The following RERE variants were observed in gnomAD, a reference collection of about 807,000 sequenced individuals.
RERE encodes the protein arginine-glutamic acid dipeptide repeats protein.
A neutral mutation model predicts 146.1 loss-of-function variants in RERE; 40 were observed. That is an observed-to-expected ratio of 0.27 (90% CI 0.21 to 0.36). The LOEUF (loss-of-function observed/expected upper bound fraction) is 0.36. Among genes scored for constraint, RERE ranks in the 10% least tolerant of loss-of-function variants. The pLI is 1.00. For missense variants in RERE, 1,933 were observed against 2,138.7 expected (o/e 0.90, Z 1.90); for synonymous variants, 1,003 against 866.0 (o/e 1.16, Z -2.78).
intron 12 of RERE, among the ~76,000 whole-genome samples, chr1:8,421,578 A>G (rs1171191350): frequency 6.6e-6 from 1 of 152,174 alleles, no homozygotes; most frequent in African/African-American, 2.4e-5. Flanking sequence ...ATACAAGACT[A>G]TACTTGAAAT....
At chr1:8,454,062 A>G (rs1644421564) in intron 11 of RERE, among the ~76,000 whole-genome samples, 1 of 152,224 alleles carries the variant, frequency 6.6e-6, no homozygotes, top group Non-Finnish European at 1.5e-5. Flanking sequence ...AAGGGACAGA[A>G]GAGCACAGAG....
At chr1:8,589,682 C>T (rs956581405) in intron 4 of RERE, among the ~76,000 whole-genome samples, 3 of 152,198 alleles carry the variant, frequency 2.0e-5, no homozygotes, top group African/African-American at 7.2e-5. Context: ...CCTAGTTCCT[C>T]CCACTTTCTT....
intron 12 of RERE, among the ~76,000 whole-genome samples, chr1:8,380,455 T>A (rs1357263821): frequency 6.6e-6 from 1 of 152,090 alleles, no homozygotes; most frequent in Admixed American, 6.5e-5. Context: ...TTTAAGTGAT[T>A]CTTCTCCCTC....
intron 1 of RERE, among the ~76,000 whole-genome samples, chr1:8,669,616 A>G (rs971141265): frequency 6.6e-6 from 1 of 152,238 alleles, no homozygotes; most frequent in Non-Finnish European, 1.5e-5. Context: ...TTAAAGCTGT[A>G]AAAACACAGT....
At chr1:8,580,244 T>A (rs900703010) in intron 4 of RERE, among the ~76,000 whole-genome samples, 4 of 152,174 alleles carry the variant, frequency 2.6e-5, no homozygotes, top group Non-Finnish European at 5.9e-5. Context: ...TAAGCTATCA[T>A]TAAACAACTT....
At chr1:8,685,692 T>C (rs1639071590) in intron 1 of RERE, among the ~76,000 whole-genome samples, 1 of 152,192 alleles carries the variant, frequency 6.6e-6, no homozygotes, top group South Asian at 2.1e-4. Flanking sequence ...CAAATAAGAC[T>C]AATTTAAATA....
intron 1 of RERE, among the ~76,000 whole-genome samples, chr1:8,659,114 T>C (rs993750092): frequency 1.3e-5 from 2 of 152,170 alleles, no homozygotes; most frequent in Admixed American, 1.3e-4. Context: ...CCTACAAAAG[T>C]TTTGCCCAGA....
intron 7 of RERE, among the ~76,000 whole-genome samples, chr1:8,531,398 G>A (rs1422703658): frequency 6.6e-6 from 1 of 151,030 alleles, no homozygotes; most frequent in Non-Finnish European, 1.5e-5. Context: ...AGGCCAGACT[G>A]CACCACTGCA....
intron 1 of RERE, among the ~76,000 whole-genome samples, chr1:8,764,760 C>T (rs1255557584): frequency 6.6e-6 from 1 of 152,180 alleles, no homozygotes; most frequent in East Asian, 1.9e-4. Context: ...AAGACAGAGG[C>T]TCAACCTCAT....
intron 4 of RERE, among the ~76,000 whole-genome samples, chr1:8,574,141 A>G (rs1278003198): frequency 6.6e-6 from 1 of 152,000 alleles, no homozygotes; most frequent in Non-Finnish European, 1.5e-5. Context: ...TCACTGCAAA[A>G]TATTTTCTAA....
intron 4 of RERE, among the ~76,000 whole-genome samples, chr1:8,590,349 T>A (rs1646477490): frequency 6.6e-6 from 1 of 151,866 alleles, no homozygotes; most frequent in Non-Finnish European, 1.5e-5. Context: ...CACAAAGCCA[T>A]CAAATCAAAA....
At position 8,469,024 on chromosome 1, in the gene RERE, G is replaced by C. The variant is rs539794964; in HGVS notation, c.1105-3001C>G. Among the ~76,000 whole-genome samples, 4 of 152,244 alleles carry C rather than the reference G, an allele frequency of 2.6e-5. No individual in the cohort carries two copies. The East Asian group carries it at 7.7e-4, about 29-fold the overall frequency. ...ATTTACTAGGTATGCGACCTTGAGA[G>C]AGTTACTTATCATTTTTGTGCCTTA... On this transcript the variant is annotated intron_variant, in intron 10 of 22. Transcript: ENST00000400908.
At chr1:8,684,344 G>A (rs1005305141) in intron 1 of RERE, among the ~76,000 whole-genome samples, 4 of 151,970 alleles carry the variant, frequency 2.6e-5, no homozygotes, top group African/African-American at 9.7e-5. Flanking sequence ...AATTTTGTTA[G>A]AAAAGCTAGT....
intron 1 of RERE, among the ~76,000 whole-genome samples, chr1:8,671,347 A>T (rs1051046321): frequency 6.6e-6 from 1 of 152,258 alleles, no homozygotes; most frequent in Non-Finnish European, 1.5e-5. Context: ...TTTTATTCAC[A>T]GAGAAGCCGT....
chr1:8,714,622 A>G (rs868020865), intron 1 of RERE, among the ~76,000 whole-genome samples: 1 of 152,208 alleles, frequency 6.6e-6, no homozygotes, highest in East Asian at 1.9e-4. Flanking sequence ...TCTGAGAGTC[A>G]TATGAAAGGG....
At chr1:8,715,886 G>C (rs1022509290) in intron 1 of RERE, among the ~76,000 whole-genome samples, 1 of 148,514 alleles carries the variant, frequency 6.7e-6, no homozygotes, top group African/African-American at 2.5e-5. Context: ...CTGGATGACA[G>C]AGCAAGACCC....
intron 4 of RERE, among the ~76,000 whole-genome samples, chr1:8,612,934 G>T (rs1646809868): frequency 6.6e-6 from 1 of 152,138 alleles, no homozygotes; most frequent in Non-Finnish European, 1.5e-5. Context: ...AGAATTCCAA[G>T]GTTTCCATAA....
At position 8,395,112 on chromosome 1, in the gene RERE, T is replaced by C. The variant is rs565543572; in HGVS notation, c.1284+27615A>G. Among the ~76,000 whole-genome samples the C allele has an allele frequency of 1.6e-3, 238 of 152,312 alleles. 3 individuals are homozygous for C. The South Asian group carries it at 0.029, about 19-fold the overall frequency. ...TAGTATTTCCTGTAATAAGATATTG[T>C]ATATTCCCCTTCTCCTGCCCACAGA... On this transcript the variant is annotated intron_variant, in intron 12 of 22. Coordinates refer to ENST00000400908, the MANE Select transcript of RERE (RefSeq NM_001042681.2).
chr1:8,362,597 T>C (rs1641627487), intron 16 of RERE, 86 bp downstream of exon 16: 1 of 1,526,250 alleles, frequency 6.6e-7, no homozygotes, highest in African/African-American at 1.4e-5. Flanking sequence ...TCCTCGTGTC[T>C]GAGGGAGCTG....
Sources: gnomAD v4.1 joint callset for allele counts (sites outside exome capture counted in the v4.1 genomes callset) on GRCh38, gnomAD v4.1.1 for gene constraint, MANE v1.5 for transcripts, NCBI Gene and HGNC (gene_info 2026-07-23, HGNC 2026-07-21) for gene names.